UNC80: variants seen among roughly 807,000 people sequenced by gnomAD.
The protein encoded by UNC80 is unc-80 subunit of NALCN channel complex, also known as protein unc-80 homolog.
In UNC80, 164 loss-of-function variants were observed where a neutral mutation model predicts 384.6. The observed-to-expected ratio is 0.43, with a 90% CI of 0.38 to 0.49. UNC80 has a LOEUF of 0.49. Ranked by LOEUF, UNC80 falls within the 20% of genes least tolerant of loss-of-function variation. The pLI is 0.00. For missense variants in UNC80, 3,330 were observed against 4,143.0 expected, an observed-to-expected ratio of 0.80 and a Z score of 5.39; for synonymous variants, 1,486 against 1,527.8, an observed-to-expected ratio of 0.97 and a Z score of 0.64.
rs537344209 is a variant in UNC80, at chr2:209,928,365, G to A, written c.5806+1379G>A. 9.2e-5 allele frequency among the ~76,000 whole-genome samples: 14 copies of A among 152,008 alleles called. No homozygotes were observed. The South Asian group carries it at 1.7e-3, about 18-fold the overall frequency. ...ATAAAAATAAAATAAAATAATGCAC[G>A]TAAATATATATTTCATGTATGTGAA... On this transcript the variant is annotated intron_variant, in intron 36 of 64. Coordinates refer to ENST00000673920, the MANE Select transcript of UNC80 (RefSeq NM_001371986.1).
At chr2:209,815,095 C>G in intron 8 of UNC80, among the ~76,000 whole-genome samples, 162 bp from the exon 9 acceptor site, 1 of 152,122 alleles carries the variant, frequency 6.6e-6, no homozygotes, top group East Asian at 1.9e-4. Flanking sequence ...AATATATATT[C>G]TCACTAGCAG....
At chr2:209,808,423 C>T (rs1246534613) in intron 7 of UNC80, among the ~76,000 whole-genome samples, 4 of 151,218 alleles carry the variant, frequency 2.6e-5, no homozygotes, top group Non-Finnish European at 5.9e-5. Flanking sequence ...ATTAGCCAGG[C>T]GTCGTGGCGG....
intron 22 of UNC80, among the ~76,000 whole-genome samples, chr2:209,854,635 G>T (rs2082761087): frequency 6.6e-6 from 1 of 151,846 alleles, no homozygotes; most frequent in African/African-American, 2.4e-5. Context: ...GTGGGCAAAG[G>T]ATATGAATGA....
chr2:209,780,807 A>G lies in UNC80; in HGVS notation c.600+3248A>G, dbSNP rs1015843513. Among the ~76,000 whole-genome samples the G allele has an allele frequency of 2.6e-5, 4 of 152,072 alleles. No individual in the cohort carries two copies. In the East Asian group the frequency reaches 7.7e-4, roughly 29 times the overall value. ...CTATGGTCTTTCCCTACCCATGTAA[A>G]CTTCCCCTCACCAGCACCATTAACA... is the stretch of plus-strand genomic sequence containing the variant. On this transcript the variant is annotated intron_variant, in intron 4 of 64. Transcript: ENST00000673920.
chr2:209,888,404 C>T, intron 26 of UNC80, 144 bp downstream of exon 26: 1 of 945,306 alleles, frequency 1.1e-6, no homozygotes, highest in African/African-American at 1.7e-5. Flanking sequence ...GATGGAAAAT[C>T]ATGCTTGTTA....
chr2:209,786,261 T>G (rs1373604622), intron 5 of UNC80, 72 bp downstream of exon 5: 75 of 1,511,482 alleles, frequency 5.0e-5, no homozygotes, highest in Non-Finnish European at 6.6e-5. Context: ...AGTGATGGGA[T>G]AATTTGCCCC....
At chr2:209,887,038 A>T (rs539871568) in intron 25 of UNC80, among the ~76,000 whole-genome samples, 251 of 151,640 alleles carry the variant, frequency 1.7e-3, no homozygotes, top group Middle Eastern at 3.4e-3. Context: ...TATTATTATT[A>T]TTTTTTATTT....
intron 56 of UNC80, 114 bp downstream of exon 56, chr2:209,973,384 C>G: frequency 7.0e-6 from 7 of 1,001,662 alleles, no homozygotes; most frequent in Non-Finnish European, 1.0e-5. Flanking sequence ...AGTTAAGTTC[C>G]AACTTAACTC....
rs183996681 is a variant in UNC80 at position 209,798,295 on chromosome 2, T to C, written c.938+4436T>C. Reference sequence around the variant, plus strand: ...CTTCTAGGGTTCTTATGGTTTTGGGTTTTACATTTAAGTCTTTAATCCATC... The same window carrying C: ...CTTCTAGGGTTCTTATGGTTTTGGGCTTTACATTTAAGTCTTTAATCCATC... On this transcript the variant is annotated intron_variant, in intron 7 of 64. Transcript: ENST00000673920. Among the ~76,000 whole-genome samples the C allele has an allele frequency of 1.6e-4, 25 of 152,332 alleles. No individual in the cohort carries two copies. In the South Asian group the frequency reaches 1.7e-3, roughly 10 times the overall value.
In UNC80 at chr2:209,817,038, C is replaced by T. The variant is rs773432779; in HGVS notation, c.1465C>T (p.Arg489Cys). 56 of 1,551,592 alleles carry T rather than the reference C, an allele frequency of 3.6e-5. No individual in the cohort carries two copies. Among genetic ancestry groups the T allele is most frequent in the East Asian group, 2.7e-4 (11 of 40,930 alleles). Residue 489 changes from arginine (R) to cysteine (C), a missense_variant, in exon 10 of 65, where the codon CGC becomes TGC. Physicochemically the swap from Arg to Cys is radical, Grantham distance 180 (BLOSUM62 -3). This residue lies in a region of UNC80 where 937 missense variants were observed against 1,026.8 expected (regional missense o/e 0.91). Transcript: ENST00000673920. ...HEDHLDVSPT[R>C]STFSFGSFSG... Reference sequence around the variant, plus strand: ...GGACCACCTGGATGTGTCCCCCACGCGCAGCACATTCTCCTTTGGAAGTTT... The same window carrying T: ...GGACCACCTGGATGTGTCCCCCACGTGCAGCACATTCTCCTTTGGAAGTTT...
chr2:209,987,345 TC>T (rs531018891), intron 61 of UNC80, among the ~76,000 whole-genome samples: 298 of 152,298 alleles, frequency 2.0e-3, no homozygotes, highest in African/African-American at 6.9e-3. Context: ...TTTAGATTCA[TC>T]CCCAGAAATA....
chr2:209,784,959 A>G (rs544267012), intron 4 of UNC80, among the ~76,000 whole-genome samples: 1 of 152,280 alleles, frequency 6.6e-6, no homozygotes, highest in East Asian at 1.9e-4. Flanking sequence ...TTCACTAGGT[A>G]CAGAGTTGCT....
intron 56 of UNC80, among the ~76,000 whole-genome samples, chr2:209,973,857 T>A (rs1031158791): frequency 2.6e-5 from 4 of 152,188 alleles, no homozygotes; most frequent in Admixed American, 2.0e-4. Context: ...CCTTAACATG[T>A]CTTTAATCTC....
At chr2:209,782,274 T>C (rs2077193354) in intron 4 of UNC80, among the ~76,000 whole-genome samples, 1 of 152,240 alleles carries the variant, frequency 6.6e-6, no homozygotes, top group East Asian at 1.9e-4. Flanking sequence ...CTATGACCTG[T>C]CTGACTACTT....
intron 39 of UNC80, among the ~76,000 whole-genome samples, chr2:209,934,677 T>G (rs2091120830): frequency 6.6e-6 from 1 of 152,196 alleles, no homozygotes; most frequent in South Asian, 2.1e-4. Flanking sequence ...CATTTATTAG[T>G]CACATAACTA....
intron 28 of UNC80, among the ~76,000 whole-genome samples, chr2:209,897,014 G>A (rs1423320235): frequency 7.9e-5 from 12 of 152,012 alleles, no homozygotes; most frequent in Non-Finnish European, 1.6e-4. Context: ...ACCATCACGG[G>A]GGTCACCATT....
chr2:209,818,908 T>G, intron 11 of UNC80, 85 bp from the exon 12 acceptor site: 1 of 1,409,846 alleles, frequency 7.1e-7, no homozygotes, highest in Non-Finnish European at 9.5e-7. Context: ...GTTATTGTGG[T>G]CATGATTGAA....
Position 209,888,135 on chromosome 2 carries a change from A to G in UNC80, c.4151A>G (p.Asp1384Gly), listed in dbSNP as rs1380548289. The G allele has an allele frequency of 1.3e-6, 2 of 1,551,668 alleles. No homozygotes were observed. The highest frequency in any genetic ancestry group is 4.9e-5 in the East Asian group (2 of 40,910). The change falls in exon 26 of 65, where the codon GAC becomes GGC. Residue 1384 changes from aspartate (D) to glycine (G), a missense_variant. Around this residue, in one of 8 missense-constraint regions of UNC80, gnomAD observed 801 missense variants for 950.8 expected, o/e 0.84. Coordinates refer to ENST00000673920, the MANE Select transcript of UNC80 (RefSeq NM_001371986.1). ...AGACTTCGTTTGGATCCCGAGTTGG[A>G]CCGGCACAGATATGAGAGGAAGATC... Reference protein sequence around the residue: ...SCRLRLDPELDRHRYERKISF... With the variant: ...SCRLRLDPELGRHRYERKISF...
rs568160525 is a variant in UNC80 at position 209,938,036 on chromosome 2, G to GA, written c.6465+415dup. Among the ~76,000 whole-genome samples, 10 of 150,536 alleles carry GA rather than the reference G, an allele frequency of 6.6e-5. No homozygotes were observed. In the South Asian group the frequency reaches 1.7e-3, roughly 25 times the overall value. On this transcript the variant is annotated intron_variant, in intron 42 of 64. Coordinates refer to ENST00000673920, the MANE Select transcript of UNC80 (RefSeq NM_001371986.1). ...TAAAAGGGGTCACTCTAGTATGCTT[G>GA]AAAAAAAAAGCATTAAACTAAAGTT...
Sources: allele counts gnomAD v4.1 joint callset (sites outside exome capture counted in the v4.1 genomes callset), GRCh38; gene constraint gnomAD v4.1.1; regional missense constraint gnomAD v4.1.1; transcripts MANE v1.5; gene names NCBI Gene and HGNC (gene_info 2026-07-23, HGNC 2026-07-21).